SREBF2: variants seen among roughly 807,000 people sequenced by gnomAD.
SREBF2 encodes the protein sterol regulatory element binding transcription factor 2.
Under a neutral mutation model 113.1 loss-of-function variants are expected in SREBF2, and 55 were observed. The observed-to-expected ratio is 0.49, with a 90% CI of 0.39 to 0.61. The LOEUF (loss-of-function observed/expected upper bound fraction) is 0.61, where lower values mean the gene tolerates loss of function less well. Ranked by LOEUF, SREBF2 falls within the 20% of genes least tolerant of loss-of-function variation. SREBF2 has a pLI of 0.00. For missense variants in SREBF2, 1,349 were observed against 1,487.4 expected, an observed-to-expected ratio of 0.91 and a Z score of 1.53; for synonymous variants, 593 against 605.7, an observed-to-expected ratio of 0.98 and a Z score of 0.31.
At chr22:41,853,323 A>G (rs1341258613) in intron 1 of SREBF2, among the ~76,000 whole-genome samples, 10 of 152,098 alleles carry the variant, frequency 6.6e-5, no homozygotes, top group Non-Finnish European at 1.3e-4. Flanking sequence ...ATGCAGCTCC[A>G]TGTCTCCCTG....
intron 11 of SREBF2, 141 bp from the exon 12 acceptor site, chr22:41,892,976 C>G (rs1040202385): frequency 9.9e-7 from 1 of 1,005,296 alleles, no homozygotes; most frequent in Non-Finnish European, 1.5e-6. Flanking sequence ...TTTCAGGTAC[C>G]TGTGGGAGTC....
At position 41,894,943 on chromosome 22, in the gene SREBF2, G is replaced by C; in HGVS notation, c.2495+6G>C. 1 of 1,612,304 alleles carries C rather than the reference G, an allele frequency of 6.2e-7. No individual in the cohort carries two copies. The highest frequency in any genetic ancestry group is 1.3e-5 in the African/African-American group (1 of 74,996). On this transcript the variant is annotated splice_donor_region_variant and intron_variant, in intron 13 of 18. Coordinates refer to ENST00000361204, the MANE Select transcript of SREBF2 (RefSeq NM_004599.4). The stretch of plus-strand genomic sequence containing the variant: ...GACCAGGAAGAAGAGAGCTGGTAAA[G>C]TCCCCAGACCAGTCCCCCTGCCTTA...
intron 1 of SREBF2, among the ~76,000 whole-genome samples, chr22:41,857,689 G>T (rs889966828): frequency 6.6e-6 from 1 of 152,154 alleles, no homozygotes; most frequent in Non-Finnish European, 1.5e-5. Flanking sequence ...TTGCCATCCT[G>T]TGTCATTCAA....
intron 1 of SREBF2, 104 bp from the exon 2 acceptor site, chr22:41,866,727 G>C: frequency 1.5e-6 from 2 of 1,350,002 alleles, no homozygotes; most frequent in Non-Finnish European, 2.1e-6. Flanking sequence ...TTTCTGCCAT[G>C]GTCTTAGGAA....
intron 1 of SREBF2, among the ~76,000 whole-genome samples, chr22:41,842,394 C>A (rs1318756762): frequency 6.6e-6 from 1 of 152,176 alleles, no homozygotes; most frequent in African/African-American, 2.4e-5. Context: ...TTCTTCTGTG[C>A]CTTGCCTTTT....
chr22:41,897,207 G>T (rs769233918), intron 14 of SREBF2, 46 bp downstream of exon 14: 27 of 1,348,522 alleles, frequency 2.0e-5, no homozygotes, highest in Non-Finnish European at 2.8e-5. Context: ...CTCAGTTCAG[G>T]TCTTCACAGT....
intron 11 of SREBF2, chr22:41,885,650 T>TTA: frequency 2.5e-5 from 4 of 161,360 alleles, no homozygotes; most frequent in South Asian, 1.7e-4. Context: ...CGGTCCTTGT[T>TTA]ATCAGCTAGC....
chr22:41,876,482 T>A (rs2077198958), intron 7 of SREBF2, among the ~76,000 whole-genome samples: 1 of 152,196 alleles, frequency 6.6e-6, no homozygotes, highest in African/African-American at 2.4e-5. Context: ...GGCTTCTGAG[T>A]CATCAGAAGA....
intron 1 of SREBF2, among the ~76,000 whole-genome samples, chr22:41,836,769 C>T (rs528384333): frequency 1.7e-4 from 26 of 152,180 alleles, no homozygotes; most frequent in South Asian, 1.5e-3. Context: ...TTCTAGGAGC[C>T]GGTCAGGTGA....
intron 1 of SREBF2, among the ~76,000 whole-genome samples, chr22:41,845,595 ATACAACAGAGGC>A (rs895587558): frequency 6.6e-6 from 1 of 152,244 alleles, no homozygotes; most frequent in African/African-American, 2.4e-5. Context: ...ACATGGGAAA[ATACAACAGAGGC>A]TATAACAGAG....
intron 11 of SREBF2, among the ~76,000 whole-genome samples, chr22:41,888,998 GA>G (rs1358278195): frequency 1.3e-5 from 2 of 152,024 alleles, no homozygotes; most frequent in Admixed American, 1.3e-4. Flanking sequence ...TGGCCTCTGT[GA>G]AAATGGTTTA....
In SREBF2 at chr22:41,905,850, C is replaced by T. The variant is rs2077504026; in HGVS notation, c.*190C>T. ...GCTGCTGTCACTAGATGCCCATGGT[C>T]CAGGGCCTGGTGGGCGTGAGAGGAT... On this transcript the variant is annotated 3_prime_UTR_variant, in exon 19 of 19. Transcript: ENST00000361204. 2.4e-5 allele frequency: 18 copies of T among 745,392 alleles called. No homozygotes were observed. Among genetic ancestry groups the T allele is most frequent in the Middle Eastern group, 2.3e-4 (1 of 4,426 alleles). 46.2% of individuals were successfully genotyped at this position (745,392 alleles called of 1,614,324 possible).
In SREBF2 at chr22:41,906,353, T is replaced by C. The variant is rs2077509351; in HGVS notation, c.*693T>C. 4.8e-6 allele frequency: 1 copy of C among 207,270 alleles called. No homozygotes were observed. The highest frequency in any genetic ancestry group is 2.4e-5 in the African/African-American group (1 of 42,390). The allele number at this position is 207,270 out of a possible 1,614,324, so 12.8% of individuals were successfully genotyped here. A position where few individuals can be genotyped will look rare whatever the true frequency, so the allele number is the denominator to read the frequency against. On this transcript the variant is annotated 3_prime_UTR_variant, in exon 19 of 19. Transcript: ENST00000361204. ...CATTATTTTTTAATTTTTTAAAAAA[T>C]AAATGGTATCTTATTTAATTGTCCT...
intron 10 of SREBF2, 35 bp from the exon 11 acceptor site, chr22:41,884,807 C>G (rs772492765): frequency 1.2e-6 from 2 of 1,613,720 alleles, no homozygotes; most frequent in East Asian, 2.2e-5. Flanking sequence ...TTTTGGGGCT[C>G]CATCAACAAT....
rs1258907715 is a variant in SREBF2 at position 41,833,441 on chromosome 22, C to T, written c.88+83C>T. The T allele has an allele frequency of 1.6e-6, 2 of 1,235,066 alleles. No homozygotes were observed. The highest frequency in any genetic ancestry group is 2.3e-6 in the Non-Finnish European group (2 of 887,268). The allele number at this position is 1,235,066 out of a possible 1,614,324, so 76.5% of individuals were successfully genotyped here. ...GCGCGCCCGGGTGCGCGTGCGCCCA[C>T]CCCCCGACAGCCCCGGTTCGCGCGG... On this transcript the variant is annotated intron_variant, in intron 1 of 18. Transcript: ENST00000361204. The surrounding 1 kb of genome is among the most constrained non-coding windows in gnomAD (Gnocchi z 4.1).
At chr22:41,836,102 A>G (rs538300312) in intron 1 of SREBF2, among the ~76,000 whole-genome samples, 32 of 152,360 alleles carry the variant, frequency 2.1e-4, no homozygotes, top group Admixed American at 1.1e-3. Context: ...CTGTCCTTCC[A>G]GAAGACCTGG....
At chr22:41,863,278 TCA>T (rs1183524621) in intron 1 of SREBF2, among the ~76,000 whole-genome samples, 1 of 152,220 alleles carries the variant, frequency 6.6e-6, no homozygotes, top group East Asian at 1.9e-4. Context: ...CTCCAGAGAC[TCA>T]CACCTAGGCC....
At chr22:41,845,864 G>A (rs1434123952) in intron 1 of SREBF2, among the ~76,000 whole-genome samples, 1 of 152,230 alleles carries the variant, frequency 6.6e-6, no homozygotes, top group Admixed American at 6.5e-5. Flanking sequence ...TGAACTCCCA[G>A]GGTATACCCC....
At chr22:41,850,640 T>A (rs931424680) in intron 1 of SREBF2, among the ~76,000 whole-genome samples, 1 of 152,226 alleles carries the variant, frequency 6.6e-6, no homozygotes, top group Admixed American at 6.5e-5. Flanking sequence ...CAGACAAACC[T>A]AAATATAGAT....
Sources: gnomAD v4.1 joint callset for allele counts (sites outside exome capture counted in the v4.1 genomes callset) on GRCh38, gnomAD v4.1.1 for gene constraint, Gnocchi (gnomAD v3.1) non-coding constraint, MANE v1.5 for transcripts, NCBI Gene and HGNC (gene_info 2026-07-23, HGNC 2026-07-21) for gene names.